HYDIN: variants seen among roughly 807,000 people sequenced by gnomAD.
The protein encoded by HYDIN is HYDIN axonemal central pair apparatus protein.
A neutral mutation model predicts 403.9 loss-of-function variants in HYDIN; 132 were observed. That is an observed-to-expected ratio of 0.33 (90% CI 0.28 to 0.38). HYDIN has a LOEUF of 0.38. Among genes scored for constraint, HYDIN ranks in the 10% least tolerant of loss-of-function variants. The pLI is 1.00. For missense variants in HYDIN, 2,827 were observed against 5,009.5 expected (o/e 0.56, Z 13.15); for synonymous variants, 1,202 against 1,891.7 (o/e 0.64, Z 9.46).
chr16:71,036,928 G>C (rs1314119387), intron 18 of HYDIN, among the ~76,000 whole-genome samples: 1 of 151,752 alleles, frequency 6.6e-6, no homozygotes, highest in African/African-American at 2.4e-5. Context: ...GACTAAAAAA[G>C]GAAAGGACGA....
intron 13 of HYDIN, among the ~76,000 whole-genome samples, chr16:71,070,296 T>TCCTC (rs2082424197): frequency 6.8e-6 from 1 of 147,492 alleles, no homozygotes; most frequent in Non-Finnish European, 1.5e-5. Flanking sequence ...CTTCCTTCCT[T>TCCTC]CCTCCTTCCT....
At chr16:71,133,360 G>A in intron 8 of HYDIN, 1 of 434,734 alleles carries the variant, frequency 2.3e-6, no homozygotes, top group South Asian at 1.7e-5. Context: ...AAGAACTAGA[G>A]ATCCTCTCCC....
chr16:70,996,971 C>G (rs2079552020), intron 23 of HYDIN, among the ~76,000 whole-genome samples: 1 of 149,828 alleles, frequency 6.7e-6, no homozygotes, highest in African/African-American at 2.5e-5. Context: ...AACTCACCAT[C>G]ATGTAGAATC....
At chr16:71,084,856 CAT>C (rs2082887602) in intron 12 of HYDIN, among the ~76,000 whole-genome samples, 1 of 151,494 alleles carries the variant, frequency 6.6e-6, no homozygotes, top group Non-Finnish European at 1.5e-5. Flanking sequence ...CTGAAATAAT[CAT>C]GTGGTTTTTG....
intron 8 of HYDIN, among the ~76,000 whole-genome samples, chr16:71,135,154 C>T (rs555287710): frequency 1.5e-4 from 22 of 151,460 alleles, no homozygotes; most frequent in African/African-American, 5.3e-4. Flanking sequence ...TATAAAAATG[C>T]TATCCTATAT....
At chr16:71,071,892 T>A (rs936798325) in intron 13 of HYDIN, among the ~76,000 whole-genome samples, 1 of 152,196 alleles carries the variant, frequency 6.6e-6, no homozygotes, top group African/African-American at 2.4e-5. Flanking sequence ...AGACAATGGA[T>A]TCTTTATTTT....
chr16:71,184,605 A>C (rs997320466), intron 3 of HYDIN, among the ~76,000 whole-genome samples: 2 of 152,168 alleles, frequency 1.3e-5, no homozygotes, highest in Non-Finnish European at 2.9e-5. Flanking sequence ...TAACCTGTGT[A>C]AACTATAGCG....
intron 6 of HYDIN, among the ~76,000 whole-genome samples, chr16:71,156,948 G>A (rs553297502): frequency 6.6e-6 from 1 of 151,570 alleles, no homozygotes; most frequent in Non-Finnish European, 1.5e-5. Flanking sequence ...TTTTGTTAGT[G>A]TAAAATTATT....
chr16:71,128,076 T>C (rs1055506646), intron 9 of HYDIN, among the ~76,000 whole-genome samples: 8 of 151,804 alleles, frequency 5.3e-5, no homozygotes, highest in Non-Finnish European at 1.2e-4. Context: ...GACAATTTCA[T>C]TCTCCAAAAG....
Position 70,863,198 on chromosome 16 carries a change from G to C in HYDIN, c.11472-16C>G, listed in dbSNP as rs533560015. The C allele has an allele frequency of 8.8e-5, 142 of 1,610,026 alleles. 1 individual carries two copies. In the South Asian group the frequency reaches 1.5e-3, roughly 17 times the overall value. On this transcript the variant is annotated splice_polypyrimidine_tract_variant and intron_variant, in intron 67 of 85. Transcript: ENST00000393567. ...CACATCGAACCTGCAAATCGATCAG[G>C]GAGCAGATTTGAGAAATGTGCTGCA...
intron 2 of HYDIN, 124 bp downstream of exon 2, chr16:71,186,637 T>C (rs2087164768): frequency 1.3e-6 from 1 of 768,864 alleles, no homozygotes. Flanking sequence ...GCTACCATTA[T>C]AACTAAATTG....
intron 5 of HYDIN, among the ~76,000 whole-genome samples, chr16:71,164,525 C>A (rs2086137094): frequency 1.2e-4 from 1 of 8,408 alleles, no homozygotes; most frequent in Non-Finnish European, 2.5e-4. Context: ...ATGGAGGAGA[C>A]AATGAACAGA....
intron 40 of HYDIN, among the ~76,000 whole-genome samples, chr16:70,954,983 C>T (rs1379943175): frequency 2.6e-5 from 4 of 152,136 alleles, no homozygotes; most frequent in African/African-American, 4.8e-5. Context: ...TCCTTGAAAA[C>T]TTCCCACATC....
chr16:71,158,679 GTTTTTTTTT>G (rs10615981), intron 6 of HYDIN, among the ~76,000 whole-genome samples: 3 of 117,326 alleles, frequency 2.6e-5, no homozygotes, highest in African/African-American at 6.4e-5. Flanking sequence ...GAAAAAGATG[GTTTTTTTTT>G]TTTTTTTTTT....
intron 55 of HYDIN, 55 bp downstream of exon 55, chr16:70,894,394 A>C: frequency 6.2e-7 from 1 of 1,609,898 alleles, no homozygotes; most frequent in Admixed American, 1.7e-5. Context: ...ATATTTCCCC[A>C]CATTCCTCCC....
intron 17 of HYDIN, among the ~76,000 whole-genome samples, chr16:71,061,684 A>G (rs2082084558): frequency 6.6e-6 from 1 of 152,028 alleles, no homozygotes; most frequent in South Asian, 2.1e-4. Flanking sequence ...AGTGAAGGAA[A>G]CTGATCTCCC....
At chr16:71,108,034 G>A (rs1409300776) in intron 10 of HYDIN, among the ~76,000 whole-genome samples, 1 of 152,124 alleles carries the variant, frequency 6.6e-6, no homozygotes, top group Non-Finnish European at 1.5e-5. Context: ...GGATGAAGCT[G>A]GAGGCCATCA....
intron 9 of HYDIN, among the ~76,000 whole-genome samples, chr16:71,122,070 C>CA (rs2084279074): frequency 1.3e-5 from 2 of 150,950 alleles, no homozygotes; most frequent in Non-Finnish European, 3.0e-5. Context: ...GGAAGCTTCA[C>CA]AAAAGGAGTA....
intron 23 of HYDIN, among the ~76,000 whole-genome samples, chr16:71,016,463 A>C (rs1447980108): frequency 6.6e-6 from 1 of 151,212 alleles, no homozygotes; most frequent in Non-Finnish European, 1.5e-5. Context: ...AGAAACAATA[A>C]ACAAGTGTTG....
Sources: gnomAD v4.1 joint callset for allele counts (sites outside exome capture counted in the v4.1 genomes callset) on GRCh38, gnomAD v4.1.1 for gene constraint, MANE v1.5 for transcripts, NCBI Gene and HGNC (gene_info 2026-07-23, HGNC 2026-07-21) for gene names.